DMD: variants seen among roughly 807,000 people sequenced by gnomAD.
DMD encodes the protein mutant dystrophin.
In DMD, 63 loss-of-function variants were observed where a neutral mutation model predicts 330.1. That is an observed-to-expected ratio of 0.19 (90% CI 0.16 to 0.24). The LOEUF (loss-of-function observed/expected upper bound fraction) is 0.24. Ranked by LOEUF, DMD falls within the 10% of genes least tolerant of loss-of-function variation. The pLI, the probability that DMD is intolerant of heterozygous loss-of-function variation, is 1.00. For missense variants in DMD, 3,344 were observed against 2,684.1 expected (o/e 1.25, Z -5.43); for synonymous variants, 1,223 against 959.8 (o/e 1.27, Z -5.07).
intron 67 of DMD, among the ~76,000 whole-genome samples, chrX:31,192,069 T>C (rs182480173): frequency 8.9e-6 from 1 of 112,387 alleles, no homozygotes; most frequent in African/African-American, 3.2e-5. Flanking sequence ...TGATCTGTTA[T>C]TACAATTTCT....
At chrX:31,940,322 C>T (rs2094978405) in intron 45 of DMD, among the ~76,000 whole-genome samples, 1 of 111,340 alleles carries the variant, frequency 9.0e-6, no homozygotes, top group South Asian at 3.8e-4. Context: ...ACTCATTTCT[C>T]TTAATTGTGC....
intron 2 of DMD, among the ~76,000 whole-genome samples, chrX:32,934,590 A>AATT (rs1242147739): frequency 9.0e-6 from 1 of 111,658 alleles, no homozygotes; most frequent in Non-Finnish European, 1.9e-5. Context: ...ATTTTTCCCC[A>AATT]ATTTTTATGA....
At position 31,665,901 on chromosome X, in the gene DMD, G is replaced by A. The variant is rs184338672; in HGVS notation, c.7873-7757C>T. Among the ~76,000 whole-genome samples the A allele has an allele frequency of 2.0e-4, 22 of 112,068 alleles. No individual in the cohort carries two copies. The East Asian group carries it at 5.9e-3, about 30-fold the overall frequency. The stretch of plus-strand genomic sequence containing the variant: ...TGGAATAAGTTTCATACAAAAAGAA[G>A]GGAGGAGAGGTCTCCAAGTGCTTCG... On this transcript the variant is annotated intron_variant, in intron 53 of 78. Coordinates refer to ENST00000357033, the MANE Select transcript of DMD (RefSeq NM_004006.3).
intron 12 of DMD, among the ~76,000 whole-genome samples, chrX:32,603,698 C>G (rs765030870): frequency 9.0e-6 from 1 of 110,612 alleles, no homozygotes; most frequent in African/African-American, 3.3e-5. Context: ...CATAGAAATA[C>G]GAAAGATTAT....
intron 18 of DMD, among the ~76,000 whole-genome samples, chrX:32,516,006 T>A (rs2045824762): frequency 9.0e-6 from 1 of 110,798 alleles, no homozygotes; most frequent in Non-Finnish European, 1.9e-5. Context: ...GCCTATGATA[T>A]GCTAACTGGC....
intron 44 of DMD, chrX:32,206,396 TG>T: frequency 2.0e-6 from 1 of 509,914 alleles, no homozygotes; most frequent in East Asian, 3.7e-5. Context: ...ATGATGATGA[TG>T]ATTTTGATGA....
At chrX:33,136,007 A>G (rs1342515700) in intron 1 of DMD, among the ~76,000 whole-genome samples, 1 of 111,359 alleles carries the variant, frequency 9.0e-6, no homozygotes, top group Non-Finnish European at 1.9e-5. Context: ...CAGTGAGTGT[A>G]TATTATTTTG....
chrX:33,062,469 T>C (rs770091620), intron 1 of DMD, among the ~76,000 whole-genome samples: 5 of 112,307 alleles, frequency 4.5e-5, no homozygotes, highest in African/African-American at 1.6e-4. Flanking sequence ...ATTTTTGTTT[T>C]TATTTATTTA....
intron 59 of DMD, among the ~76,000 whole-genome samples, chrX:31,446,262 G>A (rs1460681029): frequency 3.6e-5 from 4 of 112,060 alleles, no homozygotes; most frequent in Non-Finnish European, 5.6e-5. Context: ...GTTTTAAAAA[G>A]TGGTCATTAA....
rs67275852 is a variant in DMD, at chrX:32,109,611, GAA to G, written c.6438+107303_6438+107304del. Among the ~76,000 whole-genome samples the G allele has an allele frequency of 5.6e-3, 571 of 102,119 alleles. 1 individual carries two copies. The highest frequency in any genetic ancestry group is 6.5e-3 in the African/African-American group (182 of 28,113). The allele number at this position is 102,119 out of a possible 115,157, so 88.7% of individuals were successfully genotyped here. A position where few individuals can be genotyped will look rare whatever the true frequency, so the allele number is the denominator to read the frequency against. ...AGACATTGTACAGATACAGAAATTT[GAA>G]AAAAAAAAAATACAGAGATGAAGTG... is the stretch of plus-strand genomic sequence containing the variant. On this transcript the variant is annotated intron_variant, in intron 44 of 78. Coordinates refer to ENST00000357033, the MANE Select transcript of DMD (RefSeq NM_004006.3).
At chrX:33,180,977 C>CGTTACATG (rs1447280653) in intron 1 of DMD, among the ~76,000 whole-genome samples, 1 of 108,460 alleles carries the variant, frequency 9.2e-6, no homozygotes, top group African/African-American at 3.4e-5. Flanking sequence ...TTCACTTTTT[C>CGTTACATG]GTTACATGAG....
chrX:31,946,632 C>A (rs900336595), intron 45 of DMD, among the ~76,000 whole-genome samples: 6 of 111,488 alleles, frequency 5.4e-5, no homozygotes, highest in African/African-American at 2.0e-4. Context: ...CAAAGGGTAT[C>A]TTCAAGGATT....
At chrX:31,373,387 G>C (rs1166236407) in intron 60 of DMD, among the ~76,000 whole-genome samples, 1 of 96,435 alleles carries the variant, frequency 1.0e-5, no homozygotes, top group Non-Finnish European at 2.1e-5. Flanking sequence ...AAAGAACAAA[G>C]CTGGAGGCAT....
At chrX:32,282,088 T>C (rs1357594096) in intron 43 of DMD, among the ~76,000 whole-genome samples, 1 of 112,101 alleles carries the variant, frequency 8.9e-6, no homozygotes, top group Admixed American at 9.5e-5. Context: ...GTCTAGAAAC[T>C]GCCTTCATTT....
rs1435342431 is a variant in DMD, at chrX:33,247,316, A to T, written c.7+91943T>A. On this transcript the variant is annotated intron_variant, in intron 1 of 17. Coordinates refer to the DMD transcript ENST00000288447. The stretch of plus-strand genomic sequence containing the variant: ...AATTTTCTTATATATTTTGTTTCTT[A>T]TATTCTTAAAATTTAGTAGCAAATA... Among the ~76,000 whole-genome samples the T allele has an allele frequency of 2.7e-5, 3 of 111,985 alleles. No individual in the cohort carries two copies. In the East Asian group the frequency reaches 8.4e-4, roughly 31 times the overall value.
chrX:33,229,225 C>A (rs2052346509), intron 1 of DMD, among the ~76,000 whole-genome samples: 1 of 111,119 alleles, frequency 9.0e-6, no homozygotes, highest in African/African-American at 3.3e-5. Context: ...TCCAATTTAT[C>A]AGTTTTTCTT....
intron 9 of DMD, among the ~76,000 whole-genome samples, chrX:32,662,104 C>G (rs59577533): frequency 0.11 from 11,817 of 110,849 alleles, 1,444 homozygotes; most frequent in African/African-American, 0.35. Context: ...TTCAAAATAG[C>G]CTCTAGTGGA....
At chrX:31,793,807 T>C (rs1340711100) in intron 50 of DMD, among the ~76,000 whole-genome samples, 1 of 112,236 alleles carries the variant, frequency 8.9e-6, no homozygotes, top group Non-Finnish European at 1.9e-5. Flanking sequence ...CATTTTTAGA[T>C]TGGGACCCTC....
Position 32,345,988 on chromosome X carries a change from T to C in DMD, c.5541A>G (p.Ile1847Met). 2 of 1,210,064 alleles carry C rather than the reference T, an allele frequency of 1.7e-6. No homozygotes were observed. The highest frequency in any genetic ancestry group is 2.2e-6 in the Non-Finnish European group (2 of 894,553). Reference sequence around the variant, plus strand: ...TCTGTAACAGCTGCTGTTTTATCTTTATTTCCTCTCGCTTTCTCTCATCTG... The same window carrying C: ...TCTGTAACAGCTGCTGTTTTATCTTCATTTCCTCTCGCTTTCTCTCATCTG... ...RITDERKREE[I>M]KIKQQLLQTK... Residue 1847 changes from isoleucine to methionine, a missense_variant, in exon 39 of 79, where the codon ATA (isoleucine) becomes ATG (methionine). Physicochemically the swap from Ile to Met is conservative, Grantham distance 10. Coordinates refer to ENST00000357033, the MANE Select transcript of DMD (RefSeq NM_004006.3).
Sources: allele counts gnomAD v4.1 joint callset (sites outside exome capture counted in the v4.1 genomes callset), GRCh38; gene constraint gnomAD v4.1.1; transcripts MANE v1.5; gene names NCBI Gene and HGNC (gene_info 2026-07-23, HGNC 2026-07-21).